The following CLASP1 variants were observed in gnomAD, a reference collection of about 807,000 sequenced individuals.
CLASP1 encodes CLIP-associating protein 1.
A neutral mutation model predicts 192.3 loss-of-function variants in CLASP1; 38 were observed. That is an observed-to-expected ratio of 0.20 (90% confidence interval 0.15 to 0.26). The LOEUF (loss-of-function observed/expected upper bound fraction) is 0.26, where lower values mean the gene tolerates loss of function less well. Ranked by LOEUF, CLASP1 falls within the 10% of genes least tolerant of loss-of-function variation. CLASP1 has a pLI of 1.00. For missense variants in CLASP1, 1,433 were observed against 1,932.5 expected, an observed-to-expected ratio of 0.74 and a Z score of 4.85; for synonymous variants, 691 against 712.8, an observed-to-expected ratio of 0.97 and a Z score of 0.49.
At chr2:121,444,631 G>A (rs1232420591) in intron 19 of CLASP1, among the ~76,000 whole-genome samples, 3 of 152,190 alleles carry the variant, frequency 2.0e-5, no homozygotes, top group Non-Finnish European at 4.4e-5. Flanking sequence ...AGTCCATGAG[G>A]ACAGTAGCAC....
intron 37 of CLASP1, among the ~76,000 whole-genome samples, chr2:121,356,466 G>C (rs1362958236): frequency 6.6e-6 from 1 of 152,214 alleles, no homozygotes; most frequent in Non-Finnish European, 1.5e-5. Flanking sequence ...GAGAAGAAAA[G>C]TTCCAGGCTA....
intron 8 of CLASP1, among the ~76,000 whole-genome samples, chr2:121,494,595 A>C (rs571009044): frequency 6.6e-6 from 1 of 152,350 alleles, no homozygotes; most frequent in East Asian, 1.9e-4. Flanking sequence ...CTGAAAGAGT[A>C]TAACTGGAAT....
Position 121,452,198 on chromosome 2 carries a change from AG to A in CLASP1, c.1386-350del, listed in dbSNP as rs563651547. Among the ~76,000 whole-genome samples the A allele has an allele frequency of 7.2e-5, 11 of 152,348 alleles. No individual in the cohort carries two copies. The South Asian group carries it at 2.3e-3, about 32-fold the overall frequency. On this transcript the variant is annotated intron_variant, in intron 14 of 39. Coordinates refer to ENST00000263710, the Ensembl canonical transcript of CLASP1. The stretch of plus-strand genomic sequence containing the variant: ...GTTAATAGAGAATGTACACATGCAC[AG>A]AAGATCAACAAACATGACACAATCA...
At chr2:121,450,330 C>T (rs1377607961) in intron 16 of CLASP1, among the ~76,000 whole-genome samples, 1 of 124,206 alleles carries the variant, frequency 8.1e-6, no homozygotes, top group South Asian at 2.5e-4. Flanking sequence ...GACTCTATCT[C>T]AAAAAAAAAA....
chr2:121,445,018 C>CA (rs2084069176), intron 19 of CLASP1: 1 of 1,166,966 alleles, frequency 8.6e-7, no homozygotes. Context: ...TAGTAACATT[C>CA]AAAAAATTAA....
At chr2:121,599,234 G>A (rs924452848) in intron 2 of CLASP1, among the ~76,000 whole-genome samples, 2 of 150,304 alleles carry the variant, frequency 1.3e-5, no homozygotes, top group Admixed American at 6.6e-5. Context: ...ATAACAACAC[G>A]CAAGTACTAT....
chr2:121,529,566 T>C (rs1452663792), intron 3 of CLASP1, among the ~76,000 whole-genome samples: 1 of 152,226 alleles, frequency 6.6e-6, no homozygotes, highest in Non-Finnish European at 1.5e-5. Context: ...AATGGTTGCA[T>C]AGAGATGCTT....
intron 1 of CLASP1, among the ~76,000 whole-genome samples, chr2:121,622,883 C>T (rs1033279477): frequency 1.3e-5 from 2 of 151,962 alleles, no homozygotes; most frequent in African/African-American, 2.4e-5. Context: ...CCTAATTGTC[C>T]CGGCTAGAAC....
chr2:121,617,212 T>G (rs568303428), intron 1 of CLASP1, among the ~76,000 whole-genome samples: 1 of 151,714 alleles, frequency 6.6e-6, no homozygotes, highest in East Asian at 1.9e-4. Context: ...CTATCTCCTC[T>G]CAGCTTCCTT....
chr2:121,543,007 G>C (rs2095263898), intron 2 of CLASP1, among the ~76,000 whole-genome samples: 1 of 152,252 alleles, frequency 6.6e-6, no homozygotes, highest in African/African-American at 2.4e-5. Context: ...CAATGCAGTA[G>C]CCACTAGCCG....
chr2:121,543,169 G>A (rs146586255), intron 2 of CLASP1, among the ~76,000 whole-genome samples: 225 of 152,214 alleles, frequency 1.5e-3, no homozygotes, highest in African/African-American at 5.2e-3. Flanking sequence ...CTGCAAACTC[G>A]GACACATAGG....
At chr2:121,561,623 A>G (rs1410381381) in intron 2 of CLASP1, among the ~76,000 whole-genome samples, 2 of 152,244 alleles carry the variant, frequency 1.3e-5, no homozygotes, top group Non-Finnish European at 1.5e-5. Context: ...AAAAAATTTC[A>G]TAATGTTTTA....
exon 40 of CLASP1, chr2:121,338,277 T>C (rs1276362191): frequency 6.6e-6 from 1 of 152,146 alleles, no homozygotes; most frequent in African/African-American, 2.4e-5. Context: ...TCGCCGCAGG[T>C]CCGGGAAGCA....
At chr2:121,617,335 A>C (rs1333312343) in intron 1 of CLASP1, among the ~76,000 whole-genome samples, 2 of 152,194 alleles carry the variant, frequency 1.3e-5, no homozygotes, top group Non-Finnish European at 2.9e-5. Context: ...CCGCTAGCTC[A>C]TTCCCAGCAG....
intron 23 of CLASP1, among the ~76,000 whole-genome samples, chr2:121,415,425 A>T (rs1041139824): frequency 3.3e-5 from 5 of 152,222 alleles, no homozygotes; most frequent in African/African-American, 4.8e-5. Flanking sequence ...AGCAACCTCA[A>T]ATTTACAATC....
intron 6 of CLASP1, among the ~76,000 whole-genome samples, chr2:121,521,052 T>C (rs2094445305): frequency 6.6e-6 from 1 of 152,126 alleles, no homozygotes; most frequent in Non-Finnish European, 1.5e-5. Flanking sequence ...AAGTGAACAC[T>C]GGCTGGGTAT....
At position 121,500,489 on chromosome 2, in the gene CLASP1, AGAG is replaced by A. The variant is rs749594271; in HGVS notation, c.712+2675_712+2677del. Reference sequence around the variant, plus strand: ...AAGGAAGGAAGAAGAAAAGAGAAAAAGAGGAGGAGGAGAAAAGGTGAAAGAAAG... The same window carrying A: ...AAGGAAGGAAGAAGAAAAGAGAAAAAGAGGAGGAGAAAAGGTGAAAGAAAG... On this transcript the variant is annotated intron_variant, in intron 8 of 39. Coordinates refer to ENST00000263710, the Ensembl canonical transcript of CLASP1. Among the ~76,000 whole-genome samples the A allele has an allele frequency of 4.0e-5, 6 of 151,856 alleles. No individual in the cohort carries two copies. The South Asian group carries it at 8.3e-4, about 21-fold the overall frequency.
chr2:121,531,785 T>C (rs1180372348), intron 2 of CLASP1, among the ~76,000 whole-genome samples: 4 of 151,492 alleles, frequency 2.6e-5, no homozygotes, highest in Non-Finnish European at 4.4e-5. Context: ...GGAGAATCGC[T>C]TGAACCTGGG....
chr2:121,388,102 G>C (rs1462562850), intron 30 of CLASP1, 196 bp from the exon 32 acceptor site: 6 of 489,778 alleles, frequency 1.2e-5, no homozygotes, highest in Non-Finnish European at 2.2e-5. Context: ...ATAAACTCTG[G>C]CTTCATTTTA....
Sources: allele counts gnomAD v4.1 joint callset (sites outside exome capture counted in the v4.1 genomes callset), GRCh38; gene constraint gnomAD v4.1.1; transcripts MANE v1.5; gene names NCBI Gene and HGNC (gene_info 2026-07-23, HGNC 2026-07-21).